RNF115: variants seen among roughly 807,000 people sequenced by gnomAD.
RNF115 encodes the protein ring finger protein 115, also known as E3 ubiquitin-protein ligase RNF115.
A neutral mutation model predicts 39.2 loss-of-function variants in RNF115; 31 were observed. That is an observed-to-expected ratio of 0.79 (90% CI 0.59 to 1.07). The LOEUF is 1.07. Ranked by LOEUF, RNF115 falls within the 50% of genes least tolerant of loss-of-function variation. The probability of loss-of-function intolerance (pLI) is 0.00; values close to 1 mark genes in which losing one functional copy is unlikely to be tolerated. For missense variants in RNF115, 384 were observed against 381.7 expected (o/e 1.01, Z -0.05); for synonymous variants, 124 against 131.0 (o/e 0.95, Z 0.37).
chr1:145,775,554 C>T (rs1356631040), intron 3 of RNF115, among the ~76,000 whole-genome samples: 1 of 150,420 alleles, frequency 6.6e-6, no homozygotes, highest in Non-Finnish European at 1.5e-5. Flanking sequence ...TACCATCACA[C>T]TCAGCTAATT....
intron 1 of RNF115, among the ~76,000 whole-genome samples, chr1:145,794,701 G>A (rs115397594): frequency 2.0e-5 from 3 of 151,124 alleles, no homozygotes; most frequent in Non-Finnish European, 3.0e-5. Context: ...GGACCCTCCC[G>A]GTGAGTGTTA....
intron 3 of RNF115, chr1:145,773,022 C>A (rs919718414): frequency 6.6e-6 from 1 of 152,144 alleles, no homozygotes; most frequent in African/African-American, 2.4e-5. Flanking sequence ...ATTATTGTAA[C>A]CTTCAGCTCC....
intron 1 of RNF115, among the ~76,000 whole-genome samples, chr1:145,801,802 AACTGAG>A (rs1173062869): frequency 1.3e-5 from 2 of 151,680 alleles, no homozygotes; most frequent in Admixed American, 6.6e-5. Context: ...TTTTTTTTTA[AACTGAG>A]ACAGGGTCTC....
intron 4 of RNF115, among the ~76,000 whole-genome samples, chr1:145,766,622 G>T (rs1553714891): frequency 6.6e-6 from 1 of 150,502 alleles, no homozygotes; most frequent in Non-Finnish European, 1.5e-5. Context: ...CCGGGCGGGG[G>T]GCTGACCCCC....
At chr1:145,820,468 A>G (rs75164145) in intron 1 of RNF115, among the ~76,000 whole-genome samples, 68,660 of 141,634 alleles carry the variant, frequency 0.48, 16,383 homozygotes, top group Middle Eastern at 0.65. Flanking sequence ...GGCCGGGTGC[A>G]GTGGCTCACA....
At chr1:145,747,728 C>G (rs587766284) in intron 8 of RNF115, among the ~76,000 whole-genome samples, 2 of 152,164 alleles carry the variant, frequency 1.3e-5, no homozygotes. Flanking sequence ...ACTCTGCTGA[C>G]GTAGCACAAA....
intron 3 of RNF115, among the ~76,000 whole-genome samples, chr1:145,779,109 G>A (rs1004413108): frequency 2.0e-5 from 3 of 151,988 alleles, no homozygotes; most frequent in Admixed American, 6.6e-5. Context: ...TATATAACTA[G>A]ACATGCCTAA....
chr1:145,777,161 T>C (rs1173728414), intron 3 of RNF115, among the ~76,000 whole-genome samples: 1 of 152,234 alleles, frequency 6.6e-6, no homozygotes, highest in African/African-American at 2.4e-5. Context: ...TCCCTTACTA[T>C]ATACAATTCC....
intron 1 of RNF115, among the ~76,000 whole-genome samples, chr1:145,811,380 AAAG>A (rs1197890217): frequency 1.1e-4 from 17 of 148,590 alleles, no homozygotes; most frequent in South Asian, 2.1e-4. Flanking sequence ...AAAAAAGAAA[AAAG>A]AAGAAGAAGA....
intron 3 of RNF115, among the ~76,000 whole-genome samples, chr1:145,783,222 T>C (rs187842139): frequency 4.6e-5 from 7 of 152,258 alleles, no homozygotes; most frequent in Admixed American, 2.6e-4. Context: ...AAAATGCAAG[T>C]TCAAAACACG....
Position 145,752,993 on chromosome 1 carries a change from G to A in RNF115, c.485C>T (p.Pro162Leu). The A allele has an allele frequency of 1.2e-6, 2 of 1,607,162 alleles. No homozygotes were observed. Among genetic ancestry groups the A allele is most frequent in the Non-Finnish European group, 8.5e-7 (1 of 1,173,850 alleles). ...FFANSAIPGS[P>L]HPFSWSGMLH... ...AGTTACTTACCAGGAAAAAGGGTGT[G>A]GAGATCCAGGAATGGCAGAATTTGC... is the stretch of plus-strand genomic sequence containing the variant. Residue 162 changes from proline to leucine, a missense_variant, in exon 5 of 9, where the codon CCA (proline) becomes CTA (leucine). Coordinates refer to ENST00000582693, the MANE Select transcript of RNF115 (RefSeq NM_014455.4).
intron 4 of RNF115, among the ~76,000 whole-genome samples, chr1:145,762,785 T>C (rs1275417650): frequency 6.6e-6 from 1 of 152,110 alleles, no homozygotes; most frequent in Non-Finnish European, 1.5e-5. Context: ...CAGAAGAACA[T>C]ATTCTCTAGG....
At chr1:145,755,914 T>C (rs1357817471) in intron 4 of RNF115, among the ~76,000 whole-genome samples, 3 of 152,210 alleles carry the variant, frequency 2.0e-5, no homozygotes, top group Admixed American at 6.5e-5. Flanking sequence ...ATAATCTAGC[T>C]AAAGTGATTT....
At chr1:145,798,799 G>A (rs1174445599) in intron 1 of RNF115, among the ~76,000 whole-genome samples, 1 of 152,086 alleles carries the variant, frequency 6.6e-6, no homozygotes, top group African/African-American at 2.4e-5. Flanking sequence ...CATGAACACA[G>A]GATGTCTTTC....
At chr1:145,766,001 TC>T (rs1647248768) in intron 4 of RNF115, among the ~76,000 whole-genome samples, 1 of 151,802 alleles carries the variant, frequency 6.6e-6, no homozygotes, top group Admixed American at 6.6e-5. Context: ...GTACTCTTTT[TC>T]TTTTTTTTTT....
At chr1:145,801,568 C>T (rs988135360) in intron 1 of RNF115, among the ~76,000 whole-genome samples, 43 of 152,056 alleles carry the variant, frequency 2.8e-4, no homozygotes, top group African/African-American at 1.0e-3. Flanking sequence ...AATAACTATG[C>T]TTTTAAAGGG....
Position 145,741,396 on chromosome 1 carries a change from T to G in RNF115, c.*5470A>C, listed in dbSNP as rs1553710961. 6.6e-6 allele frequency: 1 copy of G among 152,176 alleles called. No individual in the cohort carries two copies. Among genetic ancestry groups the G allele is most frequent in the Non-Finnish European group, 1.5e-5 (1 of 68,042 alleles). The allele number at this position is 152,176 out of a possible 1,614,324, so 9.4% of individuals were successfully genotyped here. On this transcript the variant is annotated 3_prime_UTR_variant, in exon 9 of 9. Transcript: ENST00000582693. Reference sequence around the variant, plus strand: ...GGTATGAGAGATCGAAACCTTACAATGTCAATGGGATCAGACAAGGGCTCT... The same window carrying G: ...GGTATGAGAGATCGAAACCTTACAAGGTCAATGGGATCAGACAAGGGCTCT...
chr1:145,790,815 G>GT (rs2101572852), intron 1 of RNF115, among the ~76,000 whole-genome samples: 1 of 152,138 alleles, frequency 6.6e-6, no homozygotes, highest in Non-Finnish European at 1.5e-5. Context: ...TATCAACGCA[G>GT]TAAAACATTA....
intron 4 of RNF115, among the ~76,000 whole-genome samples, chr1:145,756,838 T>C (rs1244832736): frequency 2.9e-5 from 4 of 140,290 alleles, no homozygotes; most frequent in Non-Finnish European, 4.7e-5. Context: ...CTTCTTTTTT[T>C]TTTTTTTTTT....
Sources: allele counts gnomAD v4.1 joint callset (sites outside exome capture counted in the v4.1 genomes callset), GRCh38; gene constraint gnomAD v4.1.1; transcripts MANE v1.5; gene names NCBI Gene and HGNC (gene_info 2026-07-23, HGNC 2026-07-21).